Variants in CARMIL1 observed in about 807,000 individuals in gnomAD.
CARMIL1 encodes capping protein regulator and myosin 1 linker 1, also known as F-actin-uncapping protein LRRC16A.
A neutral mutation model predicts 177.1 loss-of-function variants in CARMIL1; 90 were observed. The observed-to-expected ratio is 0.51, with a 90% CI of 0.43 to 0.61. The LOEUF (loss-of-function observed/expected upper bound fraction) is 0.61, where lower values mean the gene tolerates loss of function less well. Among genes scored for constraint, CARMIL1 ranks in the 20% least tolerant of loss-of-function variants. CARMIL1 has a pLI of 0.00. For synonymous variants in CARMIL1, 577 were observed against 606.2 expected, an observed-to-expected ratio of 0.95 and a Z score of 0.71; for missense variants, 1,380 against 1,667.0, an observed-to-expected ratio of 0.83 and a Z score of 3.00.
At chr6:25,440,302 G>C (rs758849278) in intron 5 of CARMIL1, among the ~76,000 whole-genome samples, 10 of 152,186 alleles carry the variant, frequency 6.6e-5, no homozygotes, top group Non-Finnish European at 1.0e-4. Context: ...TACTGCAAAC[G>C]GATGGAGAAA....
intron 29 of CARMIL1, 97 bp from the exon 30 acceptor site, chr6:25,580,827 C>T: frequency 2.3e-6 from 2 of 871,664 alleles, no homozygotes; most frequent in South Asian, 3.1e-5. Context: ...GAAACAACTA[C>T]TGAGTTAAAC....
At chr6:25,478,975 G>A in intron 11 of CARMIL1, 1 of 387,756 alleles carries the variant, frequency 2.6e-6, no homozygotes, top group South Asian at 2.2e-5. Context: ...ACTTTCCTTA[G>A]TGTTTCTGAA....
rs1348677911 is a variant in CARMIL1 at position 25,558,846 on chromosome 6, C to CA, written c.2742+2003dup. 2.0e-5 allele frequency among the ~76,000 whole-genome samples: 3 copies of CA among 151,504 alleles called. No individual in the cohort carries two copies. The highest frequency in any genetic ancestry group is 2.9e-5 in the Non-Finnish European group (2 of 67,900). On this transcript the variant is annotated intron_variant, in intron 29 of 36. Transcript: ENST00000329474. This position sits in a 1 kb window ranked among gnomAD's most constrained non-coding sequence, Gnocchi z 4.1. ...ACAGAGAAACACAAGAGCTCTTCATCAAAAAAAGAATATATAGGTAGGCAT... is the reference window on the plus strand; with the variant it reads ...ACAGAGAAACACAAGAGCTCTTCATCAAAAAAAAGAATATATAGGTAGGCAT...
At chr6:25,333,332 G>A (rs974253305) in intron 2 of CARMIL1, among the ~76,000 whole-genome samples, 9 of 152,194 alleles carry the variant, frequency 5.9e-5, no homozygotes, top group African/African-American at 2.2e-4. Flanking sequence ...GGAGGCTGAG[G>A]TGGGTGGATT....
chr6:25,426,595 A>G (rs1042085102), intron 4 of CARMIL1, 35 bp downstream of exon 4: 17 of 1,576,816 alleles, frequency 1.1e-5, no homozygotes, highest in Non-Finnish European at 1.3e-5. Flanking sequence ...CAAGATCATG[A>G]TCTTTCTTGA....
At chr6:25,562,448 C>T (rs1418864373) in intron 29 of CARMIL1, among the ~76,000 whole-genome samples, 2 of 152,040 alleles carry the variant, frequency 1.3e-5, no homozygotes, top group Non-Finnish European at 2.9e-5. Context: ...GGGGTTTCAC[C>T]ATCTTGGCCA....
At chr6:25,560,223 C>T (rs1281611534) in intron 29 of CARMIL1, among the ~76,000 whole-genome samples, 1 of 152,058 alleles carries the variant, frequency 6.6e-6, no homozygotes. Context: ...TCTTTTTAAA[C>T]AGAGTGTCAG....
intron 31 of CARMIL1, among the ~76,000 whole-genome samples, chr6:25,592,196 A>G (rs1814386047): frequency 6.6e-6 from 1 of 152,144 alleles, no homozygotes; most frequent in Non-Finnish European, 1.5e-5. Flanking sequence ...CTTCTGAGCC[A>G]CTGTTTGATC....
At chr6:25,296,893 T>TTTTCTATC (rs1554153449) in intron 2 of CARMIL1, among the ~76,000 whole-genome samples, 2 of 85,938 alleles carry the variant, frequency 2.3e-5, no homozygotes, top group Non-Finnish European at 4.5e-5. Context: ...ATATCTATCT[T>TTTTCTATC]TATCTATCTA....
At chr6:25,445,996 A>C (rs922749604) in intron 5 of CARMIL1, among the ~76,000 whole-genome samples, 2 of 152,182 alleles carry the variant, frequency 1.3e-5, no homozygotes, top group African/African-American at 4.8e-5. Flanking sequence ...TTTTCTGAGC[A>C]GTAGGTCTCA....
At chr6:25,600,278 A>G (rs1562327301) in intron 32 of CARMIL1, 36 bp from the exon 33 acceptor site, 1 of 1,550,554 alleles carries the variant, frequency 6.4e-7, no homozygotes, top group Non-Finnish European at 8.7e-7. Flanking sequence ...TATTTACAGT[A>G]AAAACAACAG....
Position 25,520,290 on chromosome 6 carries a change from CA to C in CARMIL1, c.1923del (p.Ala642ProfsTer2). On this transcript the variant is annotated frameshift_variant, in exon 23 of 37. Coordinates refer to ENST00000329474, the MANE Select transcript of CARMIL1 (RefSeq NM_017640.6). LOFTEE classifies it high-confidence loss of function. ...GCCAATTCCTATGTATGATGCTTCT[CA>C]AGCCCTAAAAACAAACCCTGAAAAA... ...FMPIPMYDASQALKTNPEKTE... is the reference protein window; with the variant it reads ...FMPIPMYDASXALKTNPEKTE... 1.3e-6 allele frequency: 2 copies of C among 1,566,362 alleles called. No homozygotes were observed. The highest frequency in any genetic ancestry group is 1.9e-5 in the Admixed American group (1 of 53,612).
chr6:25,354,383 T>A (rs1366590348), intron 2 of CARMIL1, among the ~76,000 whole-genome samples: 1 of 134,096 alleles, frequency 7.5e-6, no homozygotes, highest in Non-Finnish European at 1.5e-5. Flanking sequence ...CTTGCTATAT[T>A]GCCCAACATG....
intron 4 of CARMIL1, 21 bp from the exon 5 acceptor site, chr6:25,435,462 G>A: frequency 1.9e-6 from 3 of 1,548,554 alleles, no homozygotes; most frequent in Non-Finnish European, 2.6e-6. Flanking sequence ...TTCTTAAGAA[G>A]TGTCCCACCG....
In CARMIL1 at chr6:25,367,319, A is replaced by G. The variant is rs527421951; in HGVS notation, c.139-52795A>G. ...TGCTGGTTAAAAAACAAACAAAGCA[A>G]TGTTGTCATTGACAGTTTGGTCAAG... On this transcript the variant is annotated intron_variant, in intron 2 of 36. Transcript: ENST00000329474. 3.3e-5 allele frequency among the ~76,000 whole-genome samples: 5 copies of G among 152,300 alleles called. No homozygotes were observed. In the South Asian group the frequency reaches 8.3e-4, roughly 25 times the overall value.
chr6:25,459,274 T>TTCTTTCTTTCTTTCTTCCTTTCTTCC (rs1302680954), intron 8 of CARMIL1, among the ~76,000 whole-genome samples: 1 of 30,980 alleles, frequency 3.2e-5, no homozygotes, highest in African/African-American at 9.2e-5. Context: ...TTCTTTTTTT[T>TTCTTTCTTTCTTTCTTCCTTTCTTCC]TTTTTTAAGA....
Position 25,469,401 on chromosome 6 carries a change from T to G in CARMIL1, c.691-1768T>G, listed in dbSNP as rs1462497822. Among the ~76,000 whole-genome samples the G allele has an allele frequency of 2.0e-5, 3 of 152,210 alleles. No individual in the cohort carries two copies. In the East Asian group the frequency reaches 5.8e-4, roughly 29 times the overall value. ...TACTGTAATATTTTTATGTGCTATT[T>G]TAAGAAAAGAAAGTGCTTTGATATT... On this transcript the variant is annotated intron_variant, in intron 9 of 36. Transcript: ENST00000329474.
intron 5 of CARMIL1, among the ~76,000 whole-genome samples, chr6:25,439,350 G>A (rs1239569066): frequency 1.3e-5 from 2 of 152,184 alleles, no homozygotes; most frequent in Non-Finnish European, 2.9e-5. Context: ...TCTGGAGTTG[G>A]AGCAAAGGTG....
In CARMIL1 at chr6:25,554,170, G is replaced by A. The variant is rs1810399728; in HGVS notation, c.2592+74G>A. ...GTGATGCAGGATGACTTCCGGTGTG[G>A]GGATGTGATTTCTTTTCTGTATTTC... On this transcript the variant is annotated intron_variant, in intron 28 of 36. Coordinates refer to ENST00000329474, the MANE Select transcript of CARMIL1 (RefSeq NM_017640.6). This position sits in a 1 kb window ranked among gnomAD's most constrained non-coding sequence, Gnocchi z 4.6. The A allele has an allele frequency of 6.8e-6, 7 of 1,032,630 alleles. No individual in the cohort carries two copies. The Admixed American group carries it at 8.0e-5, about 12-fold the overall frequency. The allele number at this position is 1,032,630 out of a possible 1,614,324, so 64.0% of individuals were successfully genotyped here.
Sources: gnomAD v4.1 joint callset for allele counts (sites outside exome capture counted in the v4.1 genomes callset) on GRCh38, gnomAD v4.1.1 for gene constraint, Gnocchi (gnomAD v3.1) non-coding constraint, MANE v1.5 for transcripts, NCBI Gene and HGNC (gene_info 2026-07-23, HGNC 2026-07-21) for gene names.